DPYSL2: variants seen among roughly 807,000 people sequenced by gnomAD.
The protein encoded by DPYSL2 is dihydropyrimidinase-related protein 2.
In DPYSL2, 13 loss-of-function variants were observed where a neutral mutation model predicts 69.9. That is an observed-to-expected ratio of 0.19 (90% CI 0.12 to 0.30). DPYSL2 has a LOEUF of 0.30. Among genes scored for constraint, DPYSL2 ranks in the 10% least tolerant of loss-of-function variants. DPYSL2 has a pLI of 1.00. For missense variants in DPYSL2, 587 were observed against 918.9 expected (o/e 0.64, Z 4.67); for synonymous variants, 326 against 359.1 (o/e 0.91, Z 1.04).
intron 1 of DPYSL2, among the ~76,000 whole-genome samples, chr8:26,523,810 G>T (rs960436474): frequency 1.3e-5 from 2 of 152,084 alleles, no homozygotes; most frequent in African/African-American, 2.4e-5. Context: ...ACAGGCATAA[G>T]CCACTGCCCC....
intron 3 of DPYSL2, among the ~76,000 whole-genome samples, chr8:26,613,889 T>C (rs1356674847): frequency 6.6e-6 from 1 of 152,142 alleles, no homozygotes; most frequent in Non-Finnish European, 1.5e-5. Context: ...CCCAGCACTT[T>C]GGGAGGCCAA....
At position 26,565,462 on chromosome 8, in the gene DPYSL2, G is replaced by A. The variant is rs73559037; in HGVS notation, c.355-16507G>A. On this transcript the variant is annotated intron_variant, in intron 1 of 13. Coordinates refer to ENST00000521913, the MANE Select transcript of DPYSL2 (RefSeq NM_001197293.3). The surrounding 1 kb of genome is among the most constrained non-coding windows in gnomAD (Gnocchi z 4.1). Reference sequence around the variant, plus strand: ...TGGGGGCCCAGCTGTGAATGAAGAGGTTGACTCATCACATCTTGATGATGT... The same window carrying A: ...TGGGGGCCCAGCTGTGAATGAAGAGATTGACTCATCACATCTTGATGATGT... Among the ~76,000 whole-genome samples, 1 of 152,156 alleles carries A rather than the reference G, an allele frequency of 6.6e-6. No individual in the cohort carries two copies. Among genetic ancestry groups the A allele is most frequent in the Non-Finnish European group, 1.5e-5 (1 of 68,030 alleles).
chr8:26,608,672 C>T (rs1251337541), intron 3 of DPYSL2, among the ~76,000 whole-genome samples: 1 of 152,192 alleles, frequency 6.6e-6, no homozygotes, highest in Non-Finnish European at 1.5e-5. Context: ...GGCTTTTATT[C>T]ATAGTCTTAC....
rs781539403 is a variant in DPYSL2 at position 26,627,827 on chromosome 8, A to G, written c.937-45A>G. The G allele has an allele frequency of 1.2e-6, 2 of 1,602,296 alleles. No homozygotes were observed. The highest frequency in any genetic ancestry group is 1.7e-6 in the Non-Finnish European group (2 of 1,173,324). On this transcript the variant is annotated intron_variant, in intron 6 of 13. Coordinates refer to ENST00000521913, the MANE Select transcript of DPYSL2 (RefSeq NM_001197293.3). This position sits in a 1 kb window ranked among gnomAD's most constrained non-coding sequence, Gnocchi z 6.9. ...CGGGCCTCTGCCATCAGAGCTGTGC[A>G]AAATCCACTCTCCCTCACAGCCTGA...
rs757546683 is a variant in DPYSL2, at chr8:26,583,817, G to C, written c.462G>C (p.Leu154=). Reference sequence around the variant, plus strand: ...TATTTAGGCAAATAGGAGAAAATCTGATTGTGCCAGGAGGAGTGAAGACCA... The same window carrying C: ...TATTTAGGCAAATAGGAGAAAATCTCATTGTGCCAGGAGGAGTGAAGACCA... The part of the protein sequence containing the change: ...DGLIKQIGEN[L]IVPGGVKTIE... The change falls in exon 3 of 14, where the codon CTG becomes CTC. Residue 154 remains leucine, a synonymous_variant. Transcript: ENST00000521913. 6.2e-7 allele frequency: 1 copy of C among 1,610,922 alleles called. No homozygotes were observed.
At chr8:26,523,891 TA>T (rs1380011098) in intron 1 of DPYSL2, among the ~76,000 whole-genome samples, 1 of 152,340 alleles carries the variant, frequency 6.6e-6, no homozygotes, top group East Asian at 1.9e-4. Context: ...ATTGTATGTA[TA>T]GACCACATTT....
At chr8:26,523,693 C>T (rs1361627110) in intron 1 of DPYSL2, among the ~76,000 whole-genome samples, 1 of 151,816 alleles carries the variant, frequency 6.6e-6, no homozygotes, top group African/African-American at 2.4e-5. Context: ...CAGGGTCTTG[C>T]TCTGTCACCC....
rs1801900174 is a variant in DPYSL2, at chr8:26,597,855, G to T, written c.628+13872G>T. ...TCTCAGAGTTGGAATTGTGTTCTGG[G>T]TATTGTTTTTCTCCTTTATGGAGAT... On this transcript the variant is annotated intron_variant, in intron 3 of 13. Coordinates refer to ENST00000521913, the MANE Select transcript of DPYSL2 (RefSeq NM_001197293.3). This position sits in a 1 kb window ranked among gnomAD's most constrained non-coding sequence, Gnocchi z 5.2. Among the ~76,000 whole-genome samples the T allele has an allele frequency of 6.6e-6, 1 of 151,142 alleles. No homozygotes were observed. The highest frequency in any genetic ancestry group is 2.1e-4 in the South Asian group (1 of 4,778).
rs751234188 is a variant in DPYSL2, at chr8:26,647,741, G to A, written c.1537G>A (p.Asp513Asn). 2 of 1,614,052 alleles carry A rather than the reference G, an allele frequency of 1.2e-6. No individual in the cohort carries two copies. The highest frequency in any genetic ancestry group is 1.7e-6 in the Non-Finnish European group (2 of 1,180,012). Reference sequence around the variant, plus strand: ...CCGCATTGCTGTGGGATCCGATGCCGACCTGGTCATCTGGGACCCCGACAG... The same window carrying A: ...CCGCATTGCTGTGGGATCCGATGCCAACCTGGTCATCTGGGACCCCGACAG... ...KGRIAVGSDA[D>N]LVIWDPDSVK... Residue 513 changes from aspartate to asparagine, a missense_variant, in exon 11 of 14, where the codon GAC (aspartate) becomes AAC (asparagine). Physicochemically the swap from Asp to Asn is conservative, Grantham distance 23 (BLOSUM62 1). Around this residue, in one of 3 missense-constraint regions of DPYSL2, gnomAD observed 452 missense variants for 754.3 expected, o/e 0.60. Coordinates refer to ENST00000521913, the MANE Select transcript of DPYSL2 (RefSeq NM_001197293.3). This position sits in a 1 kb window ranked among gnomAD's most constrained non-coding sequence, Gnocchi z 5.1.
intron 1 of DPYSL2, among the ~76,000 whole-genome samples, chr8:26,573,428 G>C (rs1199681543): frequency 6.6e-6 from 1 of 152,142 alleles, no homozygotes; most frequent in African/African-American, 2.4e-5. Flanking sequence ...CAGCACTTTG[G>C]GGGGCTGAGG....
chr8:26,577,851 C>T, intron 1 of DPYSL2: 3 of 1,064,046 alleles, frequency 2.8e-6, no homozygotes, highest in Non-Finnish European at 3.4e-6. Flanking sequence ...CCAATCGCTG[C>T]TCGTCTCTCT....
chr8:26,541,595 C>T (rs565296011), intron 1 of DPYSL2, among the ~76,000 whole-genome samples: 1 of 151,962 alleles, frequency 6.6e-6, no homozygotes, highest in Non-Finnish European at 1.5e-5. Context: ...ACTTTTAACC[C>T]CAATGTAAAA....
chr8:26,546,673 A>G (rs1800773468), intron 1 of DPYSL2, among the ~76,000 whole-genome samples: 3 of 151,306 alleles, frequency 2.0e-5, no homozygotes, highest in Admixed American at 2.0e-4. Context: ...TAATCCCAGC[A>G]CTTTGGGAGG....
At chr8:26,534,456 G>A (rs866986899) in intron 1 of DPYSL2, among the ~76,000 whole-genome samples, 6 of 152,066 alleles carry the variant, frequency 3.9e-5, no homozygotes, top group Middle Eastern at 6.8e-3. Flanking sequence ...ACCATGCCCT[G>A]CCTCTCATTT....
chr8:26,555,984 GTATATATAAATATATAGTATATATTA>G (rs1585505980), intron 1 of DPYSL2, among the ~76,000 whole-genome samples: 1 of 109,646 alleles, frequency 9.1e-6, no homozygotes, highest in Non-Finnish European at 1.7e-5. Flanking sequence ...AGTATATATA[GTATATATAAATATATAGTATATATTA>G]TATATATAAA....
intron 1 of DPYSL2, among the ~76,000 whole-genome samples, chr8:26,537,528 G>T (rs528422665): frequency 6.6e-6 from 1 of 151,916 alleles, no homozygotes; most frequent in East Asian, 1.9e-4. Flanking sequence ...TTACAAAAAT[G>T]ATGCAGAATT....
intron 7 of DPYSL2, among the ~76,000 whole-genome samples, chr8:26,631,432 G>A (rs545053408): frequency 6.6e-6 from 1 of 152,244 alleles, no homozygotes; most frequent in South Asian, 2.1e-4. Context: ...TCTGCATGGG[G>A]GAAACCTTCC....
At chr8:26,561,062 G>T (rs1304296652) in intron 1 of DPYSL2, among the ~76,000 whole-genome samples, 2 of 152,134 alleles carry the variant, frequency 1.3e-5, no homozygotes, top group Non-Finnish European at 2.9e-5. Context: ...AAGAAGCAGG[G>T]GGAGGGATGG....
chr8:26,538,083 G>T (rs1014303439), intron 1 of DPYSL2, among the ~76,000 whole-genome samples: 1 of 152,190 alleles, frequency 6.6e-6, no homozygotes, highest in African/African-American at 2.4e-5. Context: ...ATCCTATCAT[G>T]AAGTGCAGGA....
Sources: gnomAD v4.1 joint callset for allele counts (sites outside exome capture counted in the v4.1 genomes callset) on GRCh38, gnomAD v4.1.1 for gene constraint, gnomAD v4.1.1 regional missense constraint, Gnocchi (gnomAD v3.1) non-coding constraint, MANE v1.5 for transcripts, NCBI Gene and HGNC (gene_info 2026-07-23, HGNC 2026-07-21) for gene names.